LRBA: variants seen among roughly 807,000 people sequenced by gnomAD.
LRBA encodes lipopolysaccharide-responsive and beige-like anchor protein.
In LRBA, 176 loss-of-function variants were observed where a neutral mutation model predicts 330.0. The observed-to-expected ratio is 0.53, with a 90% CI of 0.47 to 0.60. LRBA has a LOEUF of 0.60. LRBA is among the 20% of genes least tolerant of loss of function. The pLI, the probability that LRBA is intolerant of heterozygous loss-of-function variation, is 0.00. For synonymous variants in LRBA, 1,230 were observed against 1,193.0 expected (o/e 1.03, Z -0.64); for missense variants, 3,259 against 3,444.8 (o/e 0.95, Z 1.35).
At position 150,379,933 on chromosome 4, in the gene LRBA, T is replaced by C. The variant is rs2151885719; in HGVS notation, c.7195-29774A>G. Among the ~76,000 whole-genome samples, 2 of 144,146 alleles carry C rather than the reference T, an allele frequency of 1.4e-5. 1 individual carries two copies. The allele number at this position is 144,146 out of a possible 152,430, so 94.6% of individuals were successfully genotyped here. On this transcript the variant is annotated intron_variant, in intron 47 of 56. Coordinates refer to ENST00000651943, the MANE Select transcript of LRBA (RefSeq NM_001364905.1). ...ATCCCAGCACTTTGGGACAACGAGG[T>C]GAGAGGATCACCTGAGGTCAGGAGT...
In LRBA at chr4:150,846,636, T is replaced by G. The variant is rs180880581; in HGVS notation, c.4340-1857A>C. Among the ~76,000 whole-genome samples, 3 of 152,260 alleles carry G rather than the reference T, an allele frequency of 2.0e-5. No homozygotes were observed. The East Asian group carries it at 5.8e-4, about 29-fold the overall frequency. On this transcript the variant is annotated intron_variant, in intron 26 of 56. Coordinates refer to ENST00000651943, the MANE Select transcript of LRBA (RefSeq NM_001364905.1). ...TTAATGGTACAATGTGTGTTATTCA[T>G]GTGATGAATACCCTAAAAGCTCTAA...
At chr4:150,415,865 T>A (rs1327480737) in intron 46 of LRBA, among the ~76,000 whole-genome samples, 1 of 152,160 alleles carries the variant, frequency 6.6e-6, no homozygotes, top group Non-Finnish European at 1.5e-5. Context: ...ATACAAATAT[T>A]TTAGTAATAA....
chr4:150,690,013 T>A (rs1426752841), intron 36 of LRBA, among the ~76,000 whole-genome samples: 1 of 151,906 alleles, frequency 6.6e-6, no homozygotes, highest in Non-Finnish European at 1.5e-5. Flanking sequence ...TTATAAAAAA[T>A]AAAACCATAA....
chr4:150,871,880 TA>T (rs1753489191), intron 18 of LRBA, among the ~76,000 whole-genome samples: 1 of 152,152 alleles, frequency 6.6e-6, no homozygotes, highest in African/African-American at 2.4e-5. Context: ...TTTTTTAAAA[TA>T]AATACTATGA....
chr4:150,877,704 T>C (rs1222408617), intron 17 of LRBA, among the ~76,000 whole-genome samples: 1 of 152,166 alleles, frequency 6.6e-6, no homozygotes, highest in Non-Finnish European at 1.5e-5. Flanking sequence ...TATGGGATAC[T>C]CCACCCATCA....
At position 150,936,133 on chromosome 4, in the gene LRBA, G is replaced by A. The variant is rs17633185; in HGVS notation, c.217-7068C>T. ...TTGAAATTATTAATGCTCAAAGTAGGTGAGAACAAGATTAAACAGATACTT... is the reference window on the plus strand; with the variant it reads ...TTGAAATTATTAATGCTCAAAGTAGATGAGAACAAGATTAAACAGATACTT... On this transcript the variant is annotated intron_variant, in intron 2 of 56. Transcript: ENST00000651943. Among the ~76,000 whole-genome samples, 1,165 of 151,896 alleles carry A rather than the reference G, an allele frequency of 7.7e-3. 52 individuals carry two copies. The highest frequency in any genetic ancestry group is 0.066 in the Admixed American group (1,012 of 15,268).
chr4:150,429,023 A>G (rs1456134156), intron 46 of LRBA, among the ~76,000 whole-genome samples: 1 of 152,100 alleles, frequency 6.6e-6, no homozygotes, highest in Non-Finnish European at 1.5e-5. Context: ...GGATAAACCA[A>G]TGAGGAAAAC....
intron 44 of LRBA, among the ~76,000 whole-genome samples, chr4:150,447,971 A>G (rs1186381243): frequency 6.6e-6 from 1 of 152,216 alleles, no homozygotes; most frequent in Non-Finnish European, 1.5e-5. Context: ...AGAATGCACT[A>G]GACAATTCAC....
At chr4:150,890,023 C>T (rs1001228105) in intron 17 of LRBA, among the ~76,000 whole-genome samples, 18 of 151,990 alleles carry the variant, frequency 1.2e-4, no homozygotes, top group African/African-American at 4.4e-4. Flanking sequence ...AATGGAAGGG[C>T]AGCCATAAAC....
At chr4:150,962,250 G>A (rs1328425825) in intron 2 of LRBA, among the ~76,000 whole-genome samples, 2 of 149,458 alleles carry the variant, frequency 1.3e-5, no homozygotes, top group Non-Finnish European at 2.9e-5. Context: ...AGACACAGTG[G>A]CTCACACCTG....
At chr4:150,819,219 C>A (rs1578883680) in intron 30 of LRBA, among the ~76,000 whole-genome samples, 4 of 148,358 alleles carry the variant, frequency 2.7e-5, no homozygotes, top group South Asian at 2.1e-4. Context: ...ATGTCTAGAA[C>A]AGACAAAACT....
chr4:150,444,001 G>A (rs1161878635), intron 44 of LRBA, among the ~76,000 whole-genome samples: 1 of 150,310 alleles, frequency 6.7e-6, no homozygotes, highest in Non-Finnish European at 1.5e-5. Flanking sequence ...GGGAGCTTTA[G>A]ATTAAATGCT....
intron 44 of LRBA, among the ~76,000 whole-genome samples, chr4:150,462,658 T>C (rs1051053387): frequency 6.6e-6 from 1 of 151,754 alleles, no homozygotes; most frequent in African/African-American, 2.4e-5. Flanking sequence ...AAAAGTCCTC[T>C]GAAAAACAGC....
chr4:150,387,450 T>C (rs951679027), intron 47 of LRBA, among the ~76,000 whole-genome samples: 2 of 152,200 alleles, frequency 1.3e-5, no homozygotes, highest in East Asian at 1.9e-4. Flanking sequence ...AGGCTTGATA[T>C]ATTTGATAAA....
intron 11 of LRBA, among the ~76,000 whole-genome samples, chr4:150,907,877 G>A (rs567008255): frequency 1.3e-5 from 2 of 151,886 alleles, no homozygotes; most frequent in African/African-American, 2.4e-5. Context: ...AATTCACTTC[G>A]ATAACACTAT....
At chr4:150,693,501 T>C (rs2126962193) in intron 36 of LRBA, among the ~76,000 whole-genome samples, 1 of 132,042 alleles carries the variant, frequency 7.6e-6, no homozygotes, top group Admixed American at 9.5e-5. Context: ...GAGGCGGAGC[T>C]TGCAGTGAGC....
intron 37 of LRBA, among the ~76,000 whole-genome samples, chr4:150,668,609 T>TTTCA (rs1244191445): frequency 1.3e-5 from 2 of 152,234 alleles, no homozygotes; most frequent in Non-Finnish European, 2.9e-5. Context: ...CCTGTAATTC[T>TTTCA]TTCATTCATT....
At chr4:150,512,294 A>G (rs931825994) in intron 40 of LRBA, among the ~76,000 whole-genome samples, 6 of 152,234 alleles carry the variant, frequency 3.9e-5, no homozygotes, top group African/African-American at 9.6e-5. Flanking sequence ...ATGACCTTTC[A>G]TAACTACTAA....
chr4:150,504,842 A>T (rs1299538201), intron 40 of LRBA, among the ~76,000 whole-genome samples: 1 of 152,198 alleles, frequency 6.6e-6, no homozygotes, highest in Non-Finnish European at 1.5e-5. Context: ...TCTCACATGC[A>T]GAGACACACA....
Sources: gnomAD v4.1 joint callset for allele counts (sites outside exome capture counted in the v4.1 genomes callset) on GRCh38, gnomAD v4.1.1 for gene constraint, MANE v1.5 for transcripts, NCBI Gene and HGNC (gene_info 2026-07-23, HGNC 2026-07-21) for gene names.